Variants in STK4 observed in about 807,000 individuals in gnomAD.
The protein encoded by STK4 is serine/threonine kinase 4, also known as serine/threonine-protein kinase 4.
Under a neutral mutation model 64.9 loss-of-function variants are expected in STK4, and 30 were observed. The observed-to-expected ratio is 0.46, with a 90% CI of 0.35 to 0.63. STK4 has a LOEUF of 0.63. STK4 is among the 20% of genes least tolerant of loss of function. The pLI is 0.01. For missense variants in STK4, 466 were observed against 598.5 expected (o/e 0.78, Z 2.31); for synonymous variants, 177 against 199.0 (o/e 0.89, Z 0.93).
chr20:44,972,228 G>A, intron 2 of STK4, 70 bp downstream of exon 2: 1 of 1,368,376 alleles, frequency 7.3e-7, no homozygotes. Context: ...GAAGCAGAAG[G>A]ATATGAACCT....
Position 45,001,858 on chromosome 20 carries a change from C to G in STK4, c.1147+505C>G, listed in dbSNP as rs6017461. 8.3e-3 allele frequency among the ~76,000 whole-genome samples: 1,256 copies of G among 152,172 alleles called. 19 individuals carry two copies. Among genetic ancestry groups the G allele is most frequent in the African/African-American group, 0.029 (1,186 of 41,514 alleles). The stretch of plus-strand genomic sequence containing the variant: ...GTTTAAACTCATCTCTGCTTCTGTC[C>G]GTATCTGGCTGATCCTTTTTTGCCT... On this transcript the variant is annotated intron_variant, in intron 9 of 10. Transcript: ENST00000372806.
chr20:45,067,792 C>T (rs1291689281), intron 10 of STK4, among the ~76,000 whole-genome samples: 2 of 152,140 alleles, frequency 1.3e-5, no homozygotes, highest in Non-Finnish European at 2.9e-5. Context: ...AAATCAGTTC[C>T]CATCAGCCTT....
chr20:44,978,767 A>C (rs1601188442), intron 3 of STK4, among the ~76,000 whole-genome samples, 196 bp downstream of exon 3: 1 of 140,736 alleles, frequency 7.1e-6, no homozygotes, highest in African/African-American at 2.6e-5. Context: ...CGTAATTTTT[A>C]TGCATGGTGT....
At chr20:45,021,261 T>C (rs1284092679) in intron 9 of STK4, among the ~76,000 whole-genome samples, 1 of 152,248 alleles carries the variant, frequency 6.6e-6, no homozygotes, top group Non-Finnish European at 1.5e-5. Context: ...GTTGTGGCCA[T>C]TTTTAAAAAC....
intron 9 of STK4, among the ~76,000 whole-genome samples, chr20:45,012,485 CTGTT>C (rs1215884986): frequency 6.6e-6 from 1 of 152,154 alleles, no homozygotes; most frequent in East Asian, 1.9e-4. Flanking sequence ...ATCTTTCAAT[CTGTT>C]TGGTCTATCT....
At position 45,079,604 on chromosome 20, in the gene STK4, CTT is replaced by C. The variant is rs1038533936; in HGVS notation, c.*4431_*4432del. Reference sequence around the variant, plus strand: ...TTGTTTGTGTTTGGAAAAAAAATCTCTTTTACCAGCTTGCACTCGGACCAACT... The same window carrying C: ...TTGTTTGTGTTTGGAAAAAAAATCTCTTACCAGCTTGCACTCGGACCAACT... On this transcript the variant is annotated 3_prime_UTR_variant, in exon 11 of 11. Coordinates refer to ENST00000372806, the MANE Select transcript of STK4 (RefSeq NM_006282.5). The C allele has an allele frequency of 2.0e-5, 3 of 152,636 alleles. No individual in the cohort carries two copies. The highest frequency in any genetic ancestry group is 1.3e-4 in the Admixed American group (2 of 15,282). The allele number at this position is 152,636 out of a possible 1,614,324, so 9.5% of individuals were successfully genotyped here. A position where few individuals can be genotyped will look rare whatever the true frequency, so the allele number is the denominator to read the frequency against.
intron 9 of STK4, among the ~76,000 whole-genome samples, chr20:45,019,317 G>A (rs1212999570): frequency 6.6e-6 from 1 of 152,080 alleles, no homozygotes; most frequent in Non-Finnish European, 1.5e-5. Context: ...TTTGAGAATG[G>A]CGTCTTTCAT....
chr20:45,003,961 T>C (rs773328759), intron 9 of STK4, among the ~76,000 whole-genome samples: 1 of 151,146 alleles, frequency 6.6e-6, no homozygotes, highest in Non-Finnish European at 1.5e-5. Context: ...TCACATGATC[T>C]GCCCACTTCA....
chr20:45,027,683 A>G (rs558011268), intron 10 of STK4, among the ~76,000 whole-genome samples: 24 of 152,246 alleles, frequency 1.6e-4, no homozygotes, highest in Admixed American at 3.9e-4. Flanking sequence ...TAATTTTCCT[A>G]CTGTACTATC....
chr20:45,065,224 T>C (rs1434744516), intron 10 of STK4, among the ~76,000 whole-genome samples: 1 of 152,178 alleles, frequency 6.6e-6, no homozygotes, highest in Non-Finnish European at 1.5e-5. Flanking sequence ...TTTTTGTTTT[T>C]AGTTCTGTTT....
intron 10 of STK4, among the ~76,000 whole-genome samples, chr20:45,059,437 C>T (rs1978798136): frequency 6.6e-6 from 1 of 152,164 alleles, no homozygotes; most frequent in Non-Finnish European, 1.5e-5. Context: ...GTTCCCTGAA[C>T]ACAAATACTG....
chr20:45,028,487 T>C (rs1170171508), intron 10 of STK4, among the ~76,000 whole-genome samples: 1 of 152,046 alleles, frequency 6.6e-6, no homozygotes, highest in African/African-American at 2.4e-5. Flanking sequence ...TCACCACGCC[T>C]GGCTAATTTT....
chr20:45,060,100 G>A (rs534815679), intron 10 of STK4, among the ~76,000 whole-genome samples: 1 of 152,112 alleles, frequency 6.6e-6, no homozygotes, highest in South Asian at 2.1e-4. Context: ...TCTCAAATAG[G>A]TCCTACTTTA....
At chr20:45,050,349 C>T (rs1360584259) in intron 10 of STK4, among the ~76,000 whole-genome samples, 1 of 152,216 alleles carries the variant, frequency 6.6e-6, no homozygotes, top group Non-Finnish European at 1.5e-5. Flanking sequence ...TTGCCAGTCT[C>T]TCAAAACATT....
chr20:44,983,702 G>C (rs529563587), intron 4 of STK4, among the ~76,000 whole-genome samples: 21 of 152,038 alleles, frequency 1.4e-4, no homozygotes, highest in Non-Finnish European at 2.5e-4. Context: ...TTAGCCTGTG[G>C]TTTTTTTGTC....
rs372165841 is a variant in STK4 at position 45,007,108 on chromosome 20, G to T, written c.1147+5755G>T. Among the ~76,000 whole-genome samples, 6 of 152,216 alleles carry T rather than the reference G, an allele frequency of 3.9e-5. No individual in the cohort carries two copies. The East Asian group carries it at 9.6e-4, about 24-fold the overall frequency. On this transcript the variant is annotated intron_variant, in intron 9 of 10. Coordinates refer to ENST00000372806, the MANE Select transcript of STK4 (RefSeq NM_006282.5). ...CTGTTTGTTTATAACAGGAGGGGAG[G>T]CCTTAGCACTTCAGCTCATTCCGTT...
chr20:45,072,260 G>T (rs909586100), intron 10 of STK4, among the ~76,000 whole-genome samples: 5 of 152,166 alleles, frequency 3.3e-5, no homozygotes, highest in Non-Finnish European at 4.4e-5. Context: ...TACAAATGGG[G>T]AAATTAAGGT....
At chr20:45,047,493 A>G (rs2068715042) in intron 10 of STK4, among the ~76,000 whole-genome samples, 2 of 152,106 alleles carry the variant, frequency 1.3e-5, no homozygotes, top group African/African-American at 2.4e-5. Flanking sequence ...AGAATGTGTT[A>G]TTTGATTATG....
intron 1 of STK4, 38 bp from the exon 2 acceptor site, chr20:44,972,040 A>G (rs776214233): frequency 1.3e-6 from 2 of 1,584,484 alleles, no homozygotes; most frequent in East Asian, 4.5e-5. Flanking sequence ...TTCCTAGCAA[A>G]TAAAATGTAT....
Sources: allele counts gnomAD v4.1 joint callset (sites outside exome capture counted in the v4.1 genomes callset), GRCh38; gene constraint gnomAD v4.1.1; transcripts MANE v1.5; gene names NCBI Gene and HGNC (gene_info 2026-07-23, HGNC 2026-07-21).